Variants in FOXP1 observed in about 807,000 individuals in gnomAD.
The protein encoded by FOXP1 is forkhead box protein P1.
In FOXP1, 15 loss-of-function variants were observed where a neutral mutation model predicts 98.2. The ratio of observed to expected loss-of-function variants is 0.15; its 90% CI spans 0.10 to 0.24. The LOEUF is 0.24. Ranked by LOEUF, FOXP1 falls within the 10% of genes least tolerant of loss-of-function variation. The pLI is 1.00. For synonymous variants in FOXP1, 371 were observed against 314.5 expected (o/e 1.18, Z -1.90); for missense variants, 633 against 848.5 (o/e 0.75, Z 3.15).
At chr3:71,532,107 T>C (rs2043901508) in intron 2 of FOXP1, among the ~76,000 whole-genome samples, 2 of 152,110 alleles carry the variant, frequency 1.3e-5, no homozygotes, top group South Asian at 4.1e-4. Context: ...GAAAAAAAAT[T>C]CTTTTGTTTT....
At chr3:71,343,067 T>C (rs1283346195) in intron 4 of FOXP1, among the ~76,000 whole-genome samples, 1 of 152,348 alleles carries the variant, frequency 6.6e-6, no homozygotes, top group South Asian at 2.1e-4. Context: ...ATATTGCTTA[T>C]AAAAGTAGCT....
chr3:71,141,205 T>C lies in FOXP1; in HGVS notation c.181-28568A>G, dbSNP rs189291120. Among the ~76,000 whole-genome samples the C allele has an allele frequency of 2.1e-3, 316 of 149,046 alleles. 3 individuals carry two copies. The highest frequency in any genetic ancestry group is 3.7e-3 in the Admixed American group (56 of 14,938). On this transcript the variant is annotated intron_variant, in intron 6 of 20. Transcript: ENST00000649528. ...ATCAGTTGAACCCGGAAGGTGGAGGTTGCAGTGAGCCAAGATGGCACCACC... is the reference window on the plus strand; with the variant it reads ...ATCAGTTGAACCCGGAAGGTGGAGGCTGCAGTGAGCCAAGATGGCACCACC...
At chr3:70,982,443 A>T (rs1014617063) in intron 14 of FOXP1, among the ~76,000 whole-genome samples, 1 of 152,086 alleles carries the variant, frequency 6.6e-6, no homozygotes, top group East Asian at 1.9e-4. Context: ...TTCCTTTTCT[A>T]TTTAAAAGAA....
chr3:71,349,631 C>T (rs974216243), intron 4 of FOXP1, among the ~76,000 whole-genome samples: 41 of 125,966 alleles, frequency 3.3e-4, no homozygotes, highest in Admixed American at 3.0e-3. Flanking sequence ...GTGTAAGTAA[C>T]ATGCAAAAAT....
intron 4 of FOXP1, chr3:71,329,775 C>G (rs1378051163): frequency 6.6e-6 from 1 of 152,118 alleles, no homozygotes; most frequent in Non-Finnish European, 1.5e-5. Flanking sequence ...ATTTTGATAA[C>G]ATTACCGCTG....
chr3:70,980,229 T>TAATC (rs2107368614), intron 14 of FOXP1, among the ~76,000 whole-genome samples: 1 of 152,282 alleles, frequency 6.6e-6, no homozygotes, highest in East Asian at 1.9e-4. Flanking sequence ...CCTCGGGCCT[T>TAATC]AATCACTGAC....
chr3:71,138,255 G>A (rs1375053663), intron 6 of FOXP1, among the ~76,000 whole-genome samples: 2 of 152,284 alleles, frequency 1.3e-5, no homozygotes, highest in Middle Eastern at 3.4e-3. Context: ...ATTTAGGAAC[G>A]TAATGGGATC....
At chr3:71,226,283 C>G (rs146518267) in intron 5 of FOXP1, among the ~76,000 whole-genome samples, 1 of 152,164 alleles carries the variant, frequency 6.6e-6, no homozygotes, top group African/African-American at 2.4e-5. Flanking sequence ...GAAATGGTAA[C>G]AATCTTGGGC....
At chr3:71,485,527 G>A (rs2090581247) in intron 3 of FOXP1, among the ~76,000 whole-genome samples, 1 of 152,178 alleles carries the variant, frequency 6.6e-6, no homozygotes, top group Admixed American at 6.5e-5. Context: ...CCAGCACTTT[G>A]GGAGGCCAAG....
At chr3:71,051,869 C>A (rs530181067) in intron 9 of FOXP1, among the ~76,000 whole-genome samples, 2 of 152,206 alleles carry the variant, frequency 1.3e-5, no homozygotes, top group Admixed American at 1.3e-4. Flanking sequence ...CATGGTGTGG[C>A]ATAATGTGAT....
At chr3:71,542,587 C>G (rs556548781) in intron 2 of FOXP1, among the ~76,000 whole-genome samples, 45 of 152,352 alleles carry the variant, frequency 3.0e-4, no homozygotes, top group African/African-American at 1.1e-3. Context: ...GGCTGTTAAG[C>G]CGCACAGACG....
chr3:70,990,300 C>T (rs2040408538), intron 13 of FOXP1, among the ~76,000 whole-genome samples: 1 of 152,178 alleles, frequency 6.6e-6, no homozygotes, highest in African/African-American at 2.4e-5. Context: ...AAGAAACCCG[C>T]CAAATTCAGT....
At position 71,435,887 on chromosome 3, in the gene FOXP1, CGG is replaced by C. The variant is rs1373271066; in HGVS notation, c.-168+57537_-168+57538del. On this transcript the variant is annotated intron_variant, in intron 3 of 20. Transcript: ENST00000649528. ...AGGGACGGAGGGAGGGAGGAAGGGACGGAGGGAGGGAGGAAGGGACGGAGGGA... is the reference window on the plus strand; with the variant it reads ...AGGGACGGAGGGAGGGAGGAAGGGACAGGGAGGGAGGAAGGGACGGAGGGA... Among the ~76,000 whole-genome samples, 53 of 12,666 alleles carry C rather than the reference CGG, an allele frequency of 4.2e-3. 5 individuals are homozygous for C. Among genetic ancestry groups the C allele is most frequent in the African/African-American group, 0.016 (50 of 3,132 alleles). 8.3% of individuals were successfully genotyped at this position (12,666 alleles called of 152,430 possible). A position where few individuals can be genotyped will look rare whatever the true frequency, so the allele number is the denominator to read the frequency against.
intron 10 of FOXP1, among the ~76,000 whole-genome samples, chr3:71,041,770 C>A (rs2048377199): frequency 6.6e-6 from 1 of 151,978 alleles, no homozygotes; most frequent in Non-Finnish European, 1.5e-5. Flanking sequence ...GAAAGTGACT[C>A]AAAACACAGT....
rs2106849116 is a variant in FOXP1 at position 70,959,114 on chromosome 3, G to C, written c.*133C>G. On this transcript the variant is annotated 3_prime_UTR_variant, in exon 21 of 21. Transcript: ENST00000649528. The stretch of plus-strand genomic sequence containing the variant: ...TGGCACTAAGAGTTAACACATTTCA[G>C]AGTTGTCAAAACGTAGTGAAAATCC... The C allele has an allele frequency of 1.0e-6, 1 of 1,002,644 alleles. No homozygotes were observed. The highest frequency in any genetic ancestry group is 1.5e-6 in the Non-Finnish European group (1 of 652,590). The allele number at this position is 1,002,644 out of a possible 1,614,324, so 62.1% of individuals were successfully genotyped here.
chr3:71,487,476 T>C (rs2090744175), intron 3 of FOXP1, among the ~76,000 whole-genome samples: 1 of 152,236 alleles, frequency 6.6e-6, no homozygotes, highest in South Asian at 2.1e-4. Flanking sequence ...CCCGGCCTTA[T>C]ACCTTATACA....
chr3:71,051,899 G>A (rs2049945612), intron 9 of FOXP1, among the ~76,000 whole-genome samples: 4 of 152,146 alleles, frequency 2.6e-5, no homozygotes, highest in Admixed American at 6.5e-5. Context: ...ACACTACCAA[G>A]CGTGGTGCAT....
At chr3:70,973,918 C>G (rs1005738102) in intron 17 of FOXP1, among the ~76,000 whole-genome samples, 1 of 143,322 alleles carries the variant, frequency 7.0e-6, no homozygotes, top group African/African-American at 2.6e-5. Context: ...GGTGGTGAAT[C>G]TTGATACTCT....
At chr3:71,141,743 G>A (rs1024381600) in intron 6 of FOXP1, among the ~76,000 whole-genome samples, 4 of 151,858 alleles carry the variant, frequency 2.6e-5, no homozygotes, top group Non-Finnish European at 4.4e-5. Flanking sequence ...AACAAATCCA[G>A]AAATAATTAG....
Sources: allele counts gnomAD v4.1 joint callset (sites outside exome capture counted in the v4.1 genomes callset), GRCh38; gene constraint gnomAD v4.1.1; transcripts MANE v1.5; gene names NCBI Gene and HGNC (gene_info 2026-07-23, HGNC 2026-07-21).